SCAPER: variants seen among roughly 807,000 people sequenced by gnomAD.
SCAPER encodes S phase cyclin A-associated protein in the endoplasmic reticulum.
A neutral mutation model predicts 182.2 loss-of-function variants in SCAPER; 98 were observed. The ratio of observed to expected loss-of-function variants is 0.54; its 90% CI spans 0.46 to 0.64. The LOEUF (loss-of-function observed/expected upper bound fraction) is 0.64, where lower values mean the gene tolerates loss of function less well. Ranked by LOEUF, SCAPER falls within the 30% of genes least tolerant of loss-of-function variation. The pLI is 0.00. For missense variants in SCAPER, 1,432 were observed against 1,690.0 expected (o/e 0.85, Z 2.68); for synonymous variants, 605 against 564.6 (o/e 1.07, Z -1.01).
At chr15:76,370,291 A>ATTTTTTTTTTT (rs10524497) in intron 29 of SCAPER, among the ~76,000 whole-genome samples, 8 of 119,454 alleles carry the variant, frequency 6.7e-5, no homozygotes, top group African/African-American at 1.1e-4. Context: ...TACCATTTCA[A>ATTTTTTTTTTT]TTTTTTTTTT....
intron 22 of SCAPER, among the ~76,000 whole-genome samples, chr15:76,618,112 T>A (rs1405518046): frequency 6.6e-6 from 1 of 151,936 alleles, no homozygotes; most frequent in African/African-American, 2.4e-5. Context: ...ACATAAAAAT[T>A]AGCCGGGTGT....
chr15:76,365,805 T>C (rs913345384), intron 29 of SCAPER, among the ~76,000 whole-genome samples: 3 of 152,112 alleles, frequency 2.0e-5, no homozygotes, highest in African/African-American at 7.2e-5. Flanking sequence ...TCTCTGGAAA[T>C]GAGGGGAGTT....
chr15:76,575,543 C>T (rs2047755043), intron 22 of SCAPER, among the ~76,000 whole-genome samples: 1 of 152,198 alleles, frequency 6.6e-6, no homozygotes. Context: ...GTCATTCCTT[C>T]CAGACAGGAC....
chr15:76,376,318 A>G lies in SCAPER; in HGVS notation c.3706-7T>C, dbSNP rs1224247070. 1 of 1,608,442 alleles carries G rather than the reference A, an allele frequency of 6.2e-7. No homozygotes were observed. Among genetic ancestry groups the G allele is most frequent in the Non-Finnish European group, 8.5e-7 (1 of 1,176,918 alleles). ...CCTCTGCCCCTACAATAGACTGACA[A>G]AGACAAGGAGCAGTTAGAAGCCCTC... On this transcript the variant is annotated splice_region_variant and splice_polypyrimidine_tract_variant and intron_variant, in intron 28 of 31. Coordinates refer to ENST00000563290, the MANE Select transcript of SCAPER (RefSeq NM_020843.4).
At chr15:76,728,448 C>T (rs1420621267) in intron 17 of SCAPER, 147 bp downstream of exon 17, 2 of 972,116 alleles carry the variant, frequency 2.1e-6, no homozygotes, top group Non-Finnish European at 3.1e-6. Context: ...GTGGGAGGAT[C>T]ACTTGAGTCA....
chr15:76,643,916 A>T (rs1038455330), intron 21 of SCAPER, among the ~76,000 whole-genome samples: 5 of 152,190 alleles, frequency 3.3e-5, no homozygotes, highest in African/African-American at 9.7e-5. Flanking sequence ...CCACGAATCT[A>T]CCTTTTAAAA....
intron 22 of SCAPER, among the ~76,000 whole-genome samples, chr15:76,580,824 A>G (rs1216111304): frequency 6.6e-6 from 1 of 152,146 alleles, no homozygotes; most frequent in Non-Finnish European, 1.5e-5. Flanking sequence ...AGCAGAAATG[A>G]ATGAAATTGA....
intron 9 of SCAPER, among the ~76,000 whole-genome samples, chr15:76,773,564 C>T (rs1035440541): frequency 6.6e-6 from 1 of 151,866 alleles, no homozygotes; most frequent in African/African-American, 2.4e-5. Context: ...CAATTACTTC[C>T]TATGCGTTTA....
chr15:76,740,861 G>GAAAAATAATAAAACA (rs1567982196), intron 15 of SCAPER, among the ~76,000 whole-genome samples: 1 of 151,974 alleles, frequency 6.6e-6, no homozygotes, highest in African/African-American at 2.4e-5. Flanking sequence ...TTTAACAAGA[G>GAAAAATAATAAAACA]AAAAATAATA....
chr15:76,436,673 T>C (rs1001414473), intron 25 of SCAPER, among the ~76,000 whole-genome samples: 2 of 152,180 alleles, frequency 1.3e-5, no homozygotes, highest in Admixed American at 1.3e-4. Flanking sequence ...GGTTTTTCTG[T>C]ATTTCAAGTT....
At chr15:76,752,252 A>G (rs1294140650) in intron 15 of SCAPER, among the ~76,000 whole-genome samples, 2 of 151,750 alleles carry the variant, frequency 1.3e-5, no homozygotes, top group Non-Finnish European at 1.5e-5. Flanking sequence ...AGGATATGGA[A>G]TAACTGGAAC....
chr15:76,712,371 T>A (rs1052834959), intron 17 of SCAPER, among the ~76,000 whole-genome samples: 27 of 152,214 alleles, frequency 1.8e-4, no homozygotes, highest in African/African-American at 6.5e-4. Flanking sequence ...TCAGGTAGTG[T>A]GATGCCTCCA....
In SCAPER at chr15:76,564,241, TG is replaced by T. The variant is rs2046862540; in HGVS notation, c.2838+9916del. Among the ~76,000 whole-genome samples, 2 of 152,174 alleles carry T rather than the reference TG, an allele frequency of 1.3e-5. 1 individual carries two copies. Among genetic ancestry groups the T allele is most frequent in the South Asian group, 4.1e-4 (2 of 4,828 alleles). On this transcript the variant is annotated intron_variant, in intron 23 of 31. Coordinates refer to ENST00000563290, the MANE Select transcript of SCAPER (RefSeq NM_020843.4). ...AAGTCAAACTATCCTTGTTTGCAGA[TG>T]ACACGATCCTATATCTAGAAAACCC...
intron 21 of SCAPER, among the ~76,000 whole-genome samples, chr15:76,637,572 G>A (rs2053708625): frequency 6.6e-6 from 1 of 151,658 alleles, no homozygotes; most frequent in Non-Finnish European, 1.5e-5. Flanking sequence ...CAGGTATGGT[G>A]GTGCGTGCCT....
chr15:76,755,832 C>T (rs2062389456), intron 14 of SCAPER, among the ~76,000 whole-genome samples: 1 of 152,182 alleles, frequency 6.6e-6, no homozygotes, highest in African/African-American at 2.4e-5. Flanking sequence ...GAAAGGTATA[C>T]TTGGCAAGAA....
intron 14 of SCAPER, among the ~76,000 whole-genome samples, chr15:76,761,216 CTAAT>C (rs1455309865): frequency 6.6e-6 from 1 of 151,916 alleles, no homozygotes; most frequent in Non-Finnish European, 1.5e-5. Flanking sequence ...ACTTTCGTTT[CTAAT>C]TTATTTGAGT....
At chr15:76,434,640 T>G (rs2047077484) in intron 25 of SCAPER, among the ~76,000 whole-genome samples, 1 of 152,226 alleles carries the variant, frequency 6.6e-6, no homozygotes, top group South Asian at 2.1e-4. Context: ...AAGTATTCAA[T>G]ACTTAATAAA....
intron 5 of SCAPER, among the ~76,000 whole-genome samples, chr15:76,819,684 T>C (rs2067367197): frequency 6.6e-6 from 1 of 152,120 alleles, no homozygotes; most frequent in South Asian, 2.1e-4. Context: ...GCGCCTCTCC[T>C]CCTCCAAAGG....
Position 76,435,552 on chromosome 15 carries a change from C to G in SCAPER, c.3079-1242G>C, listed in dbSNP as rs765866583. 2.0e-5 allele frequency among the ~76,000 whole-genome samples: 3 copies of G among 152,164 alleles called. No homozygotes were observed. In the South Asian group the frequency reaches 6.2e-4, roughly 32 times the overall value. ...CTAGACTGGTAGCTCTCTAGGCCTACTACACAGCTCTAGGTTAGATGCCCT... is the reference window on the plus strand; with the variant it reads ...CTAGACTGGTAGCTCTCTAGGCCTAGTACACAGCTCTAGGTTAGATGCCCT... On this transcript the variant is annotated intron_variant, in intron 25 of 31. Transcript: ENST00000563290.
Sources: allele counts gnomAD v4.1 joint callset (sites outside exome capture counted in the v4.1 genomes callset), GRCh38; gene constraint gnomAD v4.1.1; transcripts MANE v1.5; gene names NCBI Gene and HGNC (gene_info 2026-07-23, HGNC 2026-07-21).